The following LCT variants were observed in gnomAD, a reference collection of about 807,000 sequenced individuals.
LCT encodes the protein lactase/phlorizin hydrolase.
Under a neutral mutation model 173.0 loss-of-function variants are expected in LCT, and 90 were observed. The ratio of observed to expected loss-of-function variants is 0.52; its 90% CI spans 0.44 to 0.62. The LOEUF is 0.62. Ranked by LOEUF, LCT falls within the 20% of genes least tolerant of loss-of-function variation. LCT has a pLI of 0.00. For missense variants in LCT, 1,864 were observed against 2,431.4 expected (o/e 0.77, Z 4.91); for synonymous variants, 853 against 957.6 (o/e 0.89, Z 2.02).
chr2:135,830,192 G>T (rs534984573), intron 2 of LCT, among the ~76,000 whole-genome samples: 1 of 152,248 alleles, frequency 6.6e-6, no homozygotes, highest in African/African-American at 2.4e-5. Context: ...CCCTAGCCAG[G>T]CCAAGAGCTA....
intron 6 of LCT, among the ~76,000 whole-genome samples, chr2:135,816,465 G>A (rs891658048): frequency 6.6e-6 from 1 of 152,284 alleles, no homozygotes; most frequent in East Asian, 1.9e-4. Context: ...ACAGAAACAG[G>A]GCTGCTGCCA....
chr2:135,800,889 T>C, intron 11 of LCT, 80 bp from the exon 12 acceptor site: 1 of 1,132,436 alleles, frequency 8.8e-7, no homozygotes, highest in South Asian at 1.3e-5. Flanking sequence ...CCTGCAGATG[T>C]CCCCTCTGTG....
intron 7 of LCT, 104 bp from the exon 8 acceptor site, chr2:135,810,097 G>A: frequency 1.3e-6 from 1 of 786,026 alleles, no homozygotes; most frequent in South Asian, 1.5e-5. Context: ...CTGGACTCAA[G>A]TGATCCTCCC....
chr2:135,831,443 C>T (rs541352903), intron 2 of LCT, among the ~76,000 whole-genome samples: 1 of 152,268 alleles, frequency 6.6e-6, no homozygotes, highest in African/African-American at 2.4e-5. Context: ...ATTCGTCCCA[C>T]TCGGAAGTGT....
chr2:135,820,790 C>T (rs1339805865), intron 5 of LCT, among the ~76,000 whole-genome samples: 1 of 152,142 alleles, frequency 6.6e-6, no homozygotes, highest in African/African-American at 2.4e-5. Flanking sequence ...TGCTGGCTAC[C>T]ATGCCATTCT....
intron 2 of LCT, among the ~76,000 whole-genome samples, chr2:135,831,903 A>C (rs1200753982): frequency 4.6e-5 from 7 of 152,288 alleles, no homozygotes; most frequent in South Asian, 4.1e-4. Flanking sequence ...TTCCCAGATT[A>C]TTTTAATTTT....
Position 135,788,547 on chromosome 2 carries a change from A to G in LCT, c.5564-3T>C, listed in dbSNP as rs1211737007. The G allele has an allele frequency of 2.5e-6, 4 of 1,584,256 alleles. No individual in the cohort carries two copies. The highest frequency in any genetic ancestry group is 3.5e-6 in the Non-Finnish European group (4 of 1,153,916). On this transcript the variant is annotated splice_region_variant and splice_polypyrimidine_tract_variant and intron_variant, in intron 16 of 16. Coordinates refer to ENST00000264162, the MANE Select transcript of LCT (RefSeq NM_002299.4). ...GGGGCTGATGGTGGGTCCAGCATCTAGGAGAGTGTGACACAGGGTGGTTGG... is the reference window on the plus strand; with the variant it reads ...GGGGCTGATGGTGGGTCCAGCATCTGGGAGAGTGTGACACAGGGTGGTTGG...
intron 14 of LCT, among the ~76,000 whole-genome samples, chr2:135,791,347 C>T (rs2105517711): frequency 6.6e-6 from 1 of 152,362 alleles, no homozygotes; most frequent in South Asian, 2.1e-4. Context: ...TTTGTAGGGG[C>T]CCTGCTTTGT....
intron 1 of LCT, among the ~76,000 whole-genome samples, chr2:135,834,685 G>A (rs2077970013): frequency 6.8e-6 from 1 of 147,196 alleles, no homozygotes; most frequent in Non-Finnish European, 1.5e-5. Context: ...CTACTGGGAA[G>A]GCTGAGGCAG....
intron 3 of LCT, among the ~76,000 whole-genome samples, chr2:135,828,494 G>A (rs926524048): frequency 2.6e-5 from 4 of 152,170 alleles, no homozygotes; most frequent in Admixed American, 1.3e-4. Context: ...AGAGGCAGGG[G>A]GTCCAATGTG....
intron 4 of LCT, chr2:135,822,939 A>G (rs1215278599): frequency 6.6e-6 from 1 of 152,250 alleles, no homozygotes; most frequent in African/African-American, 2.4e-5. Context: ...CTGGTGTTTT[A>G]TCTGTTTGCA....
intron 6 of LCT, 47 bp downstream of exon 6, chr2:135,817,294 A>G (rs1220497693): frequency 3.1e-6 from 5 of 1,592,388 alleles, no homozygotes; most frequent in Non-Finnish European, 4.3e-6. Context: ...CTTCCAGCCA[A>G]TGTCCTTTCT....
chr2:135,804,842 C>G lies in LCT; in HGVS notation c.4389G>C (p.Arg1463Ser). 1.1e-5 allele frequency: 17 copies of G among 1,613,948 alleles called. No individual in the cohort carries two copies. Among genetic ancestry groups the G allele is most frequent in the Non-Finnish European group, 1.4e-5 (17 of 1,179,938 alleles). The change falls in exon 10 of 17, where the codon AGG becomes AGC. Residue 1463 changes from arginine (R) to serine (S), a missense_variant. Arg to Ser is a moderately radical substitution (Grantham distance 110, BLOSUM62 -1). Transcript: ENST00000264162. ...AGTTCAGGCCCGCTTCATTGATGTACCTGGTGGTTCCATCAGGGAGGATGC... is the reference window on the plus strand; with the variant it reads ...AGTTCAGGCCCGCTTCATTGATGTAGCTGGTGGTTCCATCAGGGAGGATGC... ...WSRILPDGTTRYINEAGLNYY... is the reference protein window; with the variant it reads ...WSRILPDGTTSYINEAGLNYY...
At chr2:135,794,453 G>C in intron 14 of LCT, 188 bp downstream of exon 14, 1 of 655,114 alleles carries the variant, frequency 1.5e-6, no homozygotes. Context: ...TGGAGACCCC[G>C]GCCTTCTCTC....
In LCT at chr2:135,788,025, G is replaced by C. The variant is rs889809925; in HGVS notation, c.*299C>G. 1.4e-5 allele frequency: 6 copies of C among 418,420 alleles called. No homozygotes were observed. Among genetic ancestry groups the C allele is most frequent in the Non-Finnish European group, 2.2e-5 (5 of 224,578 alleles). 25.9% of individuals were successfully genotyped at this position (418,420 alleles called of 1,614,324 possible). On this transcript the variant is annotated 3_prime_UTR_variant, in exon 17 of 17. Coordinates refer to ENST00000264162, the MANE Select transcript of LCT (RefSeq NM_002299.4). ...CTTAACAACTCTGAAACTTAAAACA[G>C]CCCTGTTAAGTTCAATTAAGTGGTT...
chr2:135,820,078 AG>A (rs2077815072), intron 5 of LCT: 1 of 152,190 alleles, frequency 6.6e-6, no homozygotes, highest in African/African-American at 2.4e-5. Flanking sequence ...AGAGTTGTTC[AG>A]GGGCCGCTCT....
At chr2:135,805,130 G>T in intron 9 of LCT, 73 bp from the exon 10 acceptor site, 1 of 1,388,780 alleles carries the variant, frequency 7.2e-7, no homozygotes, top group Non-Finnish European at 1.0e-6. Context: ...TTCACTGGGT[G>T]AGTCTCAAGT....
intron 5 of LCT, 163 bp downstream of exon 5, chr2:135,821,857 C>T (rs1210850667): frequency 3.2e-6 from 2 of 632,894 alleles, no homozygotes; most frequent in South Asian, 1.8e-5. Context: ...AAGAGACTCC[C>T]TACTTTCTTT....
intron 1 of LCT, among the ~76,000 whole-genome samples, chr2:135,836,298 C>T (rs535844534): frequency 9.4e-4 from 143 of 152,112 alleles, no homozygotes; most frequent in African/African-American, 3.3e-3. Flanking sequence ...GGATTACAGG[C>T]GTGAGCCTCA....
Sources: allele counts gnomAD v4.1 joint callset (sites outside exome capture counted in the v4.1 genomes callset), GRCh38; gene constraint gnomAD v4.1.1; transcripts MANE v1.5; gene names NCBI Gene and HGNC (gene_info 2026-07-23, HGNC 2026-07-21).